The following PCNX2 variants were observed in gnomAD, a reference collection of about 807,000 sequenced individuals.
The protein encoded by PCNX2 is pecanex-like protein 2.
Under a neutral mutation model 223.8 loss-of-function variants are expected in PCNX2, and 168 were observed. The ratio of observed to expected loss-of-function variants is 0.75; its 90% CI spans 0.66 to 0.85. The LOEUF is 0.85. Ranked by LOEUF, PCNX2 falls within the 40% of genes least tolerant of loss-of-function variation. PCNX2 has a pLI of 0.00. For missense variants in PCNX2, 2,507 were observed against 2,675.5 expected (o/e 0.94, Z 1.39); for synonymous variants, 1,006 against 1,052.6 (o/e 0.96, Z 0.86).
At chr1:233,298,457 G>T (rs1662206753), upstream of PCNX2, among the ~76,000 whole-genome samples, 2 of 152,232 alleles carry the variant, frequency 1.3e-5, no homozygotes, top group African/African-American at 4.8e-5. Context: ...GATTGAATGT[G>T]TAGTGAATGC....
intron 23 of PCNX2, among the ~76,000 whole-genome samples, chr1:233,069,616 G>A (rs1215326752): frequency 1.3e-5 from 2 of 151,526 alleles, no homozygotes; most frequent in Non-Finnish European, 2.9e-5. Flanking sequence ...TAAACCATGG[G>A]TCAAAGATAA....
At chr1:233,290,401 A>G (rs1220371855) in intron 1 of PCNX2, among the ~76,000 whole-genome samples, 1 of 152,238 alleles carries the variant, frequency 6.6e-6, no homozygotes, top group East Asian at 1.9e-4. Context: ...TAGAAAGGTG[A>G]TAAAGCAAGT....
intron 15 of PCNX2, among the ~76,000 whole-genome samples, chr1:233,196,751 G>A (rs534288323): frequency 1.3e-5 from 2 of 152,216 alleles, no homozygotes; most frequent in South Asian, 4.1e-4. Context: ...ATTATGTGAG[G>A]GTAGGGAAAA....
rs71638458 is a variant in PCNX2, at chr1:233,262,122, G to C, written c.403C>G (p.Arg135Gly). 4 of 1,613,770 alleles carry C rather than the reference G, an allele frequency of 2.5e-6. No individual in the cohort carries two copies. Among genetic ancestry groups the C allele is most frequent in the Admixed American group, 3.3e-5 (2 of 60,016 alleles). Residue 135 changes from arginine to glycine, a missense_variant, in exon 3 of 34, where the codon CGA becomes GGA. Arg to Gly is a moderately radical substitution (Grantham distance 125). This residue lies in a region of PCNX2 where 1,031 missense variants were observed against 1,021.7 expected (regional missense o/e 1.01). Transcript: ENST00000258229. ...CGGAGGGGAGGCGTGGAGAGGTTTC[G>C]ACTGGCCTCTTCCTTTTTGCCATTG... ...IHNGKKEEAS[R>G]NLSTPPLRCS...
chr1:233,059,671 G>GCT (rs1451052088), intron 23 of PCNX2, among the ~76,000 whole-genome samples: 21 of 152,184 alleles, frequency 1.4e-4, no homozygotes, highest in African/African-American at 5.1e-4. Flanking sequence ...ATAAATATTT[G>GCT]CAGAATAAAT....
chr1:233,313,973 T>C, the PCNX2 span, among the ~76,000 whole-genome samples: 2 of 152,218 alleles, frequency 1.3e-5, no homozygotes, highest in Admixed American at 6.5e-5. Flanking sequence ...TACAAATGCA[T>C]GTGCCCTTTG....
At chr1:233,127,130 A>G (rs1462991848) in intron 21 of PCNX2, among the ~76,000 whole-genome samples, 1 of 152,128 alleles carries the variant, frequency 6.6e-6, no homozygotes, top group Non-Finnish European at 1.5e-5. Flanking sequence ...CCACAAAGAG[A>G]TATTTCCAAA....
At chr1:233,094,128 C>A (rs868408737) in intron 22 of PCNX2, among the ~76,000 whole-genome samples, 35 of 152,288 alleles carry the variant, frequency 2.3e-4, no homozygotes, top group Middle Eastern at 3.4e-3. Flanking sequence ...TAAACACCAA[C>A]AAGAAATGCT....
chr1:233,074,594 CAAAAAAAAAAAAAA>C (rs531631109), intron 23 of PCNX2, among the ~76,000 whole-genome samples: 46 of 47,708 alleles, frequency 9.6e-4, no homozygotes, highest in African/African-American at 2.4e-3. Context: ...GACTCCGTCT[CAAAAAAAAAAAAAA>C]AAAAAAAAAA....
At chr1:233,016,394 C>T (rs1189001252) in intron 27 of PCNX2, among the ~76,000 whole-genome samples, 1 of 152,202 alleles carries the variant, frequency 6.6e-6, no homozygotes, top group Non-Finnish European at 1.5e-5. Flanking sequence ...CCTTTCTCCT[C>T]TTTTTGTAAA....
In PCNX2 at chr1:232,984,435, C is replaced by T. The variant is rs756070415; in HGVS notation, c.6283G>A (p.Gly2095Arg). Reference protein sequence around the residue: ...PCEPPDATEQGQLHDRCLAEA... With the variant: ...PCEPPDATEQRQLHDRCLAEA... ...GCCAGACATCGGTCATGAAGCTGCCCCTGCTCGGTGGCATCAGGGGGCTCA... is the reference window on the plus strand; with the variant it reads ...GCCAGACATCGGTCATGAAGCTGCCTCTGCTCGGTGGCATCAGGGGGCTCA... The change falls in exon 34 of 34, where the codon GGG (glycine) becomes AGG (arginine). Residue 2095 changes from glycine (G) to arginine (R), a missense_variant. Physicochemically the swap from Gly to Arg is moderately radical, Grantham distance 125 (BLOSUM62 -2). Around this residue, in one of 3 missense-constraint regions of PCNX2, gnomAD observed 1,372 missense variants for 1,509.4 expected, o/e 0.91. Coordinates refer to ENST00000258229, the MANE Select transcript of PCNX2 (RefSeq NM_014801.4). 6.2e-7 allele frequency: 1 copy of T among 1,613,628 alleles called. No individual in the cohort carries two copies. The highest frequency in any genetic ancestry group is 2.2e-5 in the East Asian group (1 of 44,848).
At chr1:233,204,913 C>T (rs779532559) in intron 13 of PCNX2, among the ~76,000 whole-genome samples, 5 of 152,098 alleles carry the variant, frequency 3.3e-5, no homozygotes, top group Non-Finnish European at 7.4e-5. Context: ...AGAATGTTCC[C>T]TCTCCAATCC....
At chr1:233,020,356 A>T (rs973761006) in intron 26 of PCNX2, among the ~76,000 whole-genome samples, 38 of 152,368 alleles carry the variant, frequency 2.5e-4, no homozygotes, top group African/African-American at 8.7e-4. Flanking sequence ...GTCAATGAAC[A>T]CTGTAAAATC....
At chr1:233,080,401 AACACAC>A (rs10611197) in intron 23 of PCNX2, among the ~76,000 whole-genome samples, 7,053 of 140,578 alleles carry the variant, frequency 0.05, 214 homozygotes, top group Non-Finnish European at 0.078. Context: ...CACACACACA[AACACAC>A]ACACACACAC....
chr1:233,233,471 T>TGTGTGTGTGTG (rs1459806929), intron 9 of PCNX2, among the ~76,000 whole-genome samples: 1 of 147,672 alleles, frequency 6.8e-6, no homozygotes, highest in African/African-American at 2.5e-5. Flanking sequence ...TGTGTGTGTA[T>TGTGTGTGTGTG]TTTAAGTGAC....
At position 233,001,848 on chromosome 1, in the gene PCNX2, A is replaced by G. The variant is rs1420681863; in HGVS notation, c.4953-167T>C. On this transcript the variant is annotated intron_variant, in intron 28 of 33. Coordinates refer to ENST00000258229, the MANE Select transcript of PCNX2 (RefSeq NM_014801.4). The surrounding 1 kb of genome is among the most constrained non-coding windows in gnomAD (Gnocchi z 4.2). ...CAGTGCACCTAGTGCCTACCCCTAC[A>G]GCCCATGTTTGGGCCCTCATAAGTG... Among the ~76,000 whole-genome samples, 1 of 152,180 alleles carries G rather than the reference A, an allele frequency of 6.6e-6. No homozygotes were observed. Among genetic ancestry groups the G allele is most frequent in the African/African-American group, 2.4e-5 (1 of 41,440 alleles).
At chr1:233,092,026 T>A (rs1673898486) in intron 22 of PCNX2, among the ~76,000 whole-genome samples, 1 of 152,300 alleles carries the variant, frequency 6.6e-6, no homozygotes, top group Non-Finnish European at 1.5e-5. Context: ...ACCTAAATAC[T>A]TCTGCCACAA....
At chr1:233,225,117 A>T (rs889342523) in intron 10 of PCNX2, among the ~76,000 whole-genome samples, 5 of 149,924 alleles carry the variant, frequency 3.3e-5, no homozygotes, top group South Asian at 2.1e-4. Context: ...AAGTAAAAAA[A>T]AAAAAAAAAA....
chr1:233,295,191 G>A lies in PCNX2; in HGVS notation c.153+135C>T. ...TGCATGTTCTCTGTCCCAAATTTCT[G>A]AAGCCCCTCCCTTTCCGTCTCTTAA... On this transcript the variant is annotated intron_variant, in intron 1 of 33. Coordinates refer to ENST00000258229, the MANE Select transcript of PCNX2 (RefSeq NM_014801.4). The surrounding 1 kb of genome is among the most constrained non-coding windows in gnomAD (Gnocchi z 4.1). 1 of 1,278,334 alleles carries A rather than the reference G, an allele frequency of 7.8e-7. No individual in the cohort carries two copies. The highest frequency in any genetic ancestry group is 1.5e-5 in the South Asian group (1 of 67,854). The allele number at this position is 1,278,334 out of a possible 1,614,324, so 79.2% of individuals were successfully genotyped here. A position where few individuals can be genotyped will look rare whatever the true frequency, so the allele number is the denominator to read the frequency against.
Sources: gnomAD v4.1 joint callset for allele counts (sites outside exome capture counted in the v4.1 genomes callset) on GRCh38, gnomAD v4.1.1 for gene constraint, gnomAD v4.1.1 regional missense constraint, Gnocchi (gnomAD v3.1) non-coding constraint, MANE v1.5 for transcripts, NCBI Gene and HGNC (gene_info 2026-07-23, HGNC 2026-07-21) for gene names.